SLIT3: variants seen among roughly 807,000 people sequenced by gnomAD.
The protein encoded by SLIT3 is slit homolog 3 protein.
In SLIT3, 68 loss-of-function variants were observed where a neutral mutation model predicts 184.0. That is an observed-to-expected ratio of 0.37 (90% CI 0.30 to 0.45). SLIT3 has a LOEUF of 0.45. Among genes scored for constraint, SLIT3 ranks in the 20% least tolerant of loss-of-function variants. SLIT3 has a pLI of 1.00. For missense variants in SLIT3, 1,707 were observed against 2,026.0 expected, an observed-to-expected ratio of 0.84 and a Z score of 3.02; for synonymous variants, 831 against 828.6, an observed-to-expected ratio of 1.00 and a Z score of -0.05.
intron 20 of SLIT3, among the ~76,000 whole-genome samples, chr5:168,727,319 C>CA (rs1037212363): frequency 2.2e-4 from 32 of 144,572 alleles, no homozygotes; most frequent in Middle Eastern, 3.4e-3. Context: ...GACTCCGTCT[C>CA]AAAAAAAAAG....
chr5:168,720,736 C>G (rs968576135), intron 23 of SLIT3: 1 of 152,236 alleles, frequency 6.6e-6, no homozygotes, highest in African/African-American at 2.4e-5. Context: ...GTGACAATAA[C>G]AGATTGCACA....
chr5:168,685,141 G>A (rs1484566402), intron 31 of SLIT3, among the ~76,000 whole-genome samples: 1 of 151,994 alleles, frequency 6.6e-6, no homozygotes, highest in Non-Finnish European at 1.5e-5. Flanking sequence ...TAGAGACTGG[G>A]TTTCACCATG....
At chr5:169,144,861 G>A (rs297835) in intron 4 of SLIT3, among the ~76,000 whole-genome samples, 70,683 of 152,030 alleles carry the variant, frequency 0.46, 16,609 homozygotes, top group Middle Eastern at 0.61. Flanking sequence ...GAGAAAAGAA[G>A]TAGCAAGACG....
chr5:169,295,324 G>T (rs1434624772), intron 1 of SLIT3, among the ~76,000 whole-genome samples: 1 of 152,222 alleles, frequency 6.6e-6, no homozygotes, highest in Non-Finnish European at 1.5e-5. Flanking sequence ...ATGGGGTAGA[G>T]TCATCATACA....
chr5:169,161,893 A>T (rs1348684759), intron 4 of SLIT3, among the ~76,000 whole-genome samples: 1 of 152,136 alleles, frequency 6.6e-6, no homozygotes, highest in Non-Finnish European at 1.5e-5. Context: ...GGGCTTCAGT[A>T]TCCTTCTCTG....
chr5:168,843,273 C>T (rs965905872), intron 6 of SLIT3, among the ~76,000 whole-genome samples: 1 of 152,164 alleles, frequency 6.6e-6, no homozygotes, highest in Non-Finnish European at 1.5e-5. Context: ...TTGCTAGTAT[C>T]TGCGGGGCCA....
At chr5:169,049,048 C>T (rs1301218750) in intron 4 of SLIT3, among the ~76,000 whole-genome samples, 1 of 152,134 alleles carries the variant, frequency 6.6e-6, no homozygotes, top group Non-Finnish European at 1.5e-5. Context: ...CGGGCAGTTT[C>T]TTCGAGAAAA....
At chr5:168,835,822 A>AT (rs903504762) in intron 6 of SLIT3, among the ~76,000 whole-genome samples, 2 of 151,542 alleles carry the variant, frequency 1.3e-5, no homozygotes, top group African/African-American at 4.9e-5. Context: ...AAAAAAAAAA[A>AT]AAATTTGTTT....
intron 3 of SLIT3, among the ~76,000 whole-genome samples, chr5:169,201,309 GTTT>G (rs569509604): frequency 6.6e-6 from 1 of 151,970 alleles, no homozygotes; most frequent in Admixed American, 6.6e-5. Flanking sequence ...TCCCTAAGCA[GTTT>G]TTTTTACCCT....
chr5:169,064,820 C>T (rs560227555), intron 4 of SLIT3, among the ~76,000 whole-genome samples: 44 of 152,306 alleles, frequency 2.9e-4, no homozygotes, highest in South Asian at 6.2e-4. Flanking sequence ...TATAGACTCC[C>T]AGAACGTTAC....
chr5:169,186,423 A>T (rs1043984645), intron 4 of SLIT3, among the ~76,000 whole-genome samples: 2 of 152,168 alleles, frequency 1.3e-5, no homozygotes, highest in African/African-American at 4.8e-5. Context: ...ACTGTGAGAA[A>T]ATATATTTCT....
intron 3 of SLIT3, among the ~76,000 whole-genome samples, chr5:169,201,131 A>C (rs1011598029): frequency 1.3e-5 from 2 of 152,214 alleles, no homozygotes; most frequent in Admixed American, 6.5e-5. Context: ...TTTGTCTTCC[A>C]TGGTATTCAG....
intron 8 of SLIT3, among the ~76,000 whole-genome samples, chr5:168,812,987 T>C (rs1051753442): frequency 6.6e-6 from 1 of 151,662 alleles, no homozygotes; most frequent in African/African-American, 2.4e-5. Context: ...TGAGAGGCTA[T>C]TAGGTTCAAG....
intron 4 of SLIT3, among the ~76,000 whole-genome samples, chr5:169,060,417 A>AAC (rs1342015528): frequency 6.6e-6 from 1 of 151,364 alleles, no homozygotes; most frequent in African/African-American, 2.5e-5. Context: ...CAAACAAACA[A>AAC]AAAACACTGA....
intron 12 of SLIT3, among the ~76,000 whole-genome samples, chr5:168,781,112 T>C (rs1160950816): frequency 6.6e-6 from 1 of 152,206 alleles, no homozygotes. Flanking sequence ...TAACCAGGCA[T>C]GCAGCAACAC....
chr5:169,238,748 A>G (rs1765290151), intron 3 of SLIT3, among the ~76,000 whole-genome samples: 1 of 151,996 alleles, frequency 6.6e-6, no homozygotes, highest in Non-Finnish European at 1.5e-5. Context: ...CCAATGTTAG[A>G]CCTTTCCTAG....
At chr5:169,080,927 A>G (rs1448859193) in intron 4 of SLIT3, among the ~76,000 whole-genome samples, 3 of 152,222 alleles carry the variant, frequency 2.0e-5, no homozygotes, top group Non-Finnish European at 4.4e-5. Context: ...AAAAGAAAAA[A>G]AAATGTAAAA....
intron 5 of SLIT3, among the ~76,000 whole-genome samples, chr5:168,853,087 G>A (rs2938765): frequency 0.51 from 78,222 of 151,916 alleles, 21,229 homozygotes; most frequent in African/African-American, 0.69. Context: ...CTATCTCTTT[G>A]TCCCTTCTTC....
intron 3 of SLIT3, among the ~76,000 whole-genome samples, chr5:169,195,455 A>G (rs1371978105): frequency 6.6e-6 from 1 of 152,246 alleles, no homozygotes. Flanking sequence ...CCTGATGAGG[A>G]GGAGGCAAGG....
Sources: allele counts gnomAD v4.1 joint callset (sites outside exome capture counted in the v4.1 genomes callset), GRCh38; gene constraint gnomAD v4.1.1; transcripts MANE v1.5; gene names NCBI Gene and HGNC (gene_info 2026-07-23, HGNC 2026-07-21).